The following MYL5 variants were observed in gnomAD, a reference collection of about 807,000 sequenced individuals.
The protein encoded by MYL5 is myosin regulatory light chain 5.
A neutral mutation model predicts 20.8 loss-of-function variants in MYL5; 28 were observed. That is an observed-to-expected ratio of 1.35 (90% CI 1.00 to 1.84). The LOEUF is 1.84. Among genes scored for constraint, MYL5 ranks in the 40% most tolerant of loss-of-function variants. The pLI is 0.00. For synonymous variants in MYL5, 118 were observed against 87.4 expected, an observed-to-expected ratio of 1.35 and a Z score of -1.95; for missense variants, 274 against 227.3, an observed-to-expected ratio of 1.21 and a Z score of -1.32.
At chr4:680,792 GGGGTGGGGCGGCT>G in intron 5 of MYL5, 1 of 646,160 alleles carries the variant, frequency 1.5e-6, no homozygotes, top group Non-Finnish European at 2.6e-6. Context: ...GTGCCCGGTG[GGGGTGGGGCGGCT>G]TCCCCTCAGC....
chr4:679,018 A>G (rs911374971), exon 3 of MYL5: 8 of 1,613,708 alleles, frequency 5.0e-6, no homozygotes, highest in Non-Finnish European at 6.8e-6. Context: ...CCTGAAGGAC[A>G]CCTATGCCTC....
intron 5 of MYL5, 59 bp downstream of exon 7, chr4:680,646 T>A: frequency 6.4e-7 from 1 of 1,563,978 alleles, no homozygotes; most frequent in African/African-American, 1.4e-5. Flanking sequence ...GATCTCATCC[T>A]GTCCCAAAAG....
Position 678,768 on chromosome 4 carries a change from G to A in MYL5, c.111+3G>A. ...CTCAGATCCAGGAGTTCAAGGAGGT[G>A]AGACTTTCCTGCTTCACTGGGAGCC... On this transcript the variant is annotated splice_donor_region_variant and intron_variant, in intron 2 of 6. Coordinates refer to ENST00000400159, the Ensembl canonical transcript of MYL5. 3 of 1,609,442 alleles carry A rather than the reference G, an allele frequency of 1.9e-6. No individual in the cohort carries two copies. Among genetic ancestry groups the A allele is most frequent in the East Asian group, 2.2e-5 (1 of 44,758 alleles).
At chr4:677,954 G>T in exon 1 of MYL5, 1 of 1,612,544 alleles carries the variant, frequency 6.2e-7, no homozygotes, top group Non-Finnish European at 8.5e-7. Flanking sequence ...CTGTCCTGGG[G>T]GACCAAGCAG....
At chr4:681,116 G>A (rs1303631357) in exon 6 of MYL5, 2 of 1,607,232 alleles carry the variant, frequency 1.2e-6, no homozygotes, top group Non-Finnish European at 1.7e-6. Context: ...TGATGTCCCA[G>A]GCTGACAAGA....
At chr4:680,746 G>A (rs1739386196) in intron 5 of MYL5, 159 bp downstream of exon 7, 4 of 763,816 alleles carry the variant, frequency 5.2e-6, no homozygotes, top group Middle Eastern at 2.8e-4. Flanking sequence ...CCAGCTGAGT[G>A]GGAGGCCAGC....
intron 6 of MYL5, among the ~76,000 whole-genome samples, chr4:681,345 C>G (rs1199277292): frequency 6.6e-6 from 1 of 152,054 alleles, no homozygotes; most frequent in African/African-American, 2.4e-5. Flanking sequence ...GACCCCTCCC[C>G]TCCGTTAGAT....
chr4:678,108 A>AGCGTGG, intron 1 of MYL5, 79 bp downstream of exon 3: 1 of 1,591,388 alleles, frequency 6.3e-7, no homozygotes, highest in Non-Finnish European at 8.5e-7. Flanking sequence ...CGCACAGACG[A>AGCGTGG]GCGTGGGCGT....
exon 1 of MYL5, chr4:677,929 C>G: frequency 6.2e-7 from 1 of 1,602,562 alleles, no homozygotes; most frequent in Non-Finnish European, 8.5e-7. Flanking sequence ...TAGGGAGTGG[C>G]AGCCGGAGTC....
exon 6 of MYL5, chr4:681,130 C>A (rs368752319): frequency 6.2e-7 from 1 of 1,606,744 alleles, no homozygotes; most frequent in Admixed American, 1.7e-5. Context: ...GACAAGATGA[C>A]GGCGGAAGAG....
At chr4:677,555 G>A (rs79782649), upstream of MYL5, among the ~76,000 whole-genome samples, 1,168 of 152,332 alleles carry the variant, frequency 7.7e-3, 20 homozygotes, top group South Asian at 0.069. Context: ...AGGGAGGGGC[G>A]TGGACACCCC....
At chr4:681,375 C>T (rs1739490077) in intron 6 of MYL5, among the ~76,000 whole-genome samples, 1 of 152,056 alleles carries the variant, frequency 6.6e-6, no homozygotes, top group South Asian at 2.1e-4. Flanking sequence ...GAGACCCCTC[C>T]GCGGCCTGAG....
At chr4:681,443 AC>A (rs1451114779) in intron 6 of MYL5, among the ~76,000 whole-genome samples, 3 of 78,078 alleles carry the variant, frequency 3.8e-5, no homozygotes, top group Admixed American at 1.3e-4. Context: ...GCCGCCCCCC[AC>A]CCCCGACGCG....
chr4:679,847 G>C (rs931329915), intron 3 of MYL5, 67 bp from the exon 6 acceptor site: 1 of 1,397,404 alleles, frequency 7.2e-7, no homozygotes. Flanking sequence ...CCTGTGCTGG[G>C]GTCACCTGCT....
In MYL5 at chr4:681,085, T is replaced by C; in HGVS notation, c.372-7T>C. 1 of 1,598,490 alleles carries C rather than the reference T, an allele frequency of 6.3e-7. No homozygotes were observed. Among genetic ancestry groups the C allele is most frequent in the Non-Finnish European group, 8.5e-7 (1 of 1,173,294 alleles). On this transcript the variant is annotated splice_polypyrimidine_tract_variant and splice_region_variant and intron_variant, in intron 5 of 6. Transcript: ENST00000400159. Reference sequence around the variant, plus strand: ...CAGCCCGCGCTGACCCCTTTCCTCGTCCTCAGCATCAAGCGTCTGCTGATG... The same window carrying C: ...CAGCCCGCGCTGACCCCTTTCCTCGCCCTCAGCATCAAGCGTCTGCTGATG...
intron 4 of MYL5, 103 bp downstream of exon 6, chr4:680,121 C>T (rs1363338016): frequency 2.6e-6 from 3 of 1,150,260 alleles, no homozygotes; most frequent in Non-Finnish European, 3.7e-6. Context: ...TCTGGAGAAG[C>T]CCTAGGGCCT....
At position 680,600 on chromosome 4, in the gene MYL5, G is replaced by A; in HGVS notation, c.371+13G>A. The A allele has an allele frequency of 6.2e-7, 1 of 1,611,986 alleles. No homozygotes were observed. The highest frequency in any genetic ancestry group is 8.5e-7 in the Non-Finnish European group (1 of 1,179,432). ...TCAACAAGGAGTAGTGAGTGCCCGG[G>A]CGGCCAGGGCGGCCCGGCTTCCGGG... On this transcript the variant is annotated intron_variant, in intron 5 of 6. Transcript: ENST00000400159.
At chr4:681,628 CCCT>C (rs1739586718) in intron 6 of MYL5, among the ~76,000 whole-genome samples, 1 of 94,826 alleles carries the variant, frequency 1.1e-5, no homozygotes, top group Admixed American at 1.0e-4. Flanking sequence ...CCGCCCCGCC[CCCT>C]CCAGCGCCGC....
At chr4:679,187 C>A (rs1415129547) in intron 3 of MYL5, 154 bp downstream of exon 5, 1 of 793,098 alleles carries the variant, frequency 1.3e-6, no homozygotes, top group African/African-American at 1.7e-5. Flanking sequence ...ATGGCCCTGG[C>A]CGCCCTTGGT....
Sources: allele counts gnomAD v4.1 joint callset (sites outside exome capture counted in the v4.1 genomes callset), GRCh38; gene constraint gnomAD v4.1.1; transcripts MANE v1.5; gene names NCBI Gene and HGNC (gene_info 2026-07-23, HGNC 2026-07-21).